Variants in GALNT13 observed in about 807,000 individuals in gnomAD.
GALNT13 encodes the protein UDP-GalNAc:polypeptide N-acetylgalactosaminyltransferase 13.
In GALNT13, 28 loss-of-function variants were observed where a neutral mutation model predicts 64.2. The observed-to-expected ratio is 0.44, with a 90% CI of 0.32 to 0.60. GALNT13 has a LOEUF of 0.60. Ranked by LOEUF, GALNT13 falls within the 20% of genes least tolerant of loss-of-function variation. The probability of loss-of-function intolerance (pLI) is 0.05; values close to 1 mark genes in which losing one functional copy is unlikely to be tolerated. For synonymous variants in GALNT13, 214 were observed against 224.6 expected (o/e 0.95, Z 0.42); for missense variants, 577 against 669.8 (o/e 0.86, Z 1.53).
chr2:153,918,352 G>T (rs748137089), intron 2 of GALNT13, among the ~76,000 whole-genome samples: 2 of 152,064 alleles, frequency 1.3e-5, no homozygotes, highest in Non-Finnish European at 2.9e-5. Flanking sequence ...TGAGAATTTG[G>T]GATGACAAAG....
the GALNT13 span, among the ~76,000 whole-genome samples, chr2:153,369,412 TAGAC>T: frequency 6.7e-6 from 1 of 148,292 alleles, no homozygotes; most frequent in African/African-American, 2.5e-5. Flanking sequence ...AACCTCTACT[TAGAC>T]TGTCTAAAAA....
chr2:153,681,703 G>A, the GALNT13 span, among the ~76,000 whole-genome samples: 31,698 of 151,468 alleles, frequency 0.21, 4,306 homozygotes, highest in Middle Eastern at 0.43. Context: ...TCTGTTTTCA[G>A]AATCCTGTTT....
At chr2:153,741,662 T>C in the GALNT13 span, among the ~76,000 whole-genome samples, 2 of 152,048 alleles carry the variant, frequency 1.3e-5, no homozygotes, top group Non-Finnish European at 2.9e-5. Flanking sequence ...ATACCACTTG[T>C]ATTTTTATTT....
At chr2:154,405,606 T>A (rs1699496922) in intron 10 of GALNT13, among the ~76,000 whole-genome samples, 1 of 150,204 alleles carries the variant, frequency 6.7e-6, no homozygotes, top group African/African-American at 2.5e-5. Context: ...AAAAAAAATT[T>A]GACCAGGTGT....
intron 3 of GALNT13, among the ~76,000 whole-genome samples, chr2:153,992,136 T>C (rs1251041241): frequency 6.6e-6 from 1 of 152,192 alleles, no homozygotes; most frequent in African/African-American, 2.4e-5. Context: ...CATTGTTATG[T>C]TTTTATGTTA....
At chr2:154,379,519 T>C (rs10490526) in intron 9 of GALNT13, among the ~76,000 whole-genome samples, 8,452 of 152,106 alleles carry the variant, frequency 0.056, 332 homozygotes, top group Non-Finnish European at 0.083. Context: ...ATTCAATTCC[T>C]TAGAAGGCTG....
At chr2:153,634,107 C>G in the GALNT13 span, among the ~76,000 whole-genome samples, 1 of 152,012 alleles carries the variant, frequency 6.6e-6, no homozygotes, top group Non-Finnish European at 1.5e-5. Context: ...GTCAGGAACA[C>G]AAACAGAAGT....
At chr2:154,049,318 T>C (rs1699451642) in intron 3 of GALNT13, among the ~76,000 whole-genome samples, 1 of 149,752 alleles carries the variant, frequency 6.7e-6, no homozygotes, top group African/African-American at 2.4e-5. Context: ...TTACAATAAA[T>C]ACTGTTTTAT....
At chr2:153,635,741 A>G in the GALNT13 span, among the ~76,000 whole-genome samples, 1 of 152,096 alleles carries the variant, frequency 6.6e-6, no homozygotes, top group Non-Finnish European at 1.5e-5. Context: ...ACTGACTGGA[A>G]ATATTCAAAT....
At chr2:153,565,926 A>T in the GALNT13 span, among the ~76,000 whole-genome samples, 45 of 152,314 alleles carry the variant, frequency 3.0e-4, no homozygotes, top group Middle Eastern at 3.4e-3. Context: ...TAAGTTCAAA[A>T]TAATGACTGG....
At chr2:153,817,548 T>C in the GALNT13 span, among the ~76,000 whole-genome samples, 1 of 152,104 alleles carries the variant, frequency 6.6e-6, no homozygotes, top group Non-Finnish European at 1.5e-5. Flanking sequence ...TCTTAGTAAT[T>C]TTCCGTCCAC....
chr2:153,126,294 TTG>T, the GALNT13 span, among the ~76,000 whole-genome samples: 887 of 50,768 alleles, frequency 0.017, 34 homozygotes, highest in Middle Eastern at 0.037. Flanking sequence ...AGTATTGATT[TTG>T]TATATATATA....
intron 3 of GALNT13, among the ~76,000 whole-genome samples, chr2:154,107,179 A>G (rs967107622): frequency 1.3e-5 from 2 of 152,212 alleles, no homozygotes; most frequent in African/African-American, 4.8e-5. Context: ...TGTGCAGCAT[A>G]CAGAACATGA....
chr2:154,390,210 C>T (rs953523142), intron 9 of GALNT13, among the ~76,000 whole-genome samples: 2 of 152,122 alleles, frequency 1.3e-5, no homozygotes, highest in Admixed American at 1.3e-4. Context: ...ATGCAATAGA[C>T]TTACTATGAA....
chr2:154,068,682 G>A (rs1471547023), intron 3 of GALNT13, among the ~76,000 whole-genome samples: 5 of 151,864 alleles, frequency 3.3e-5, no homozygotes, highest in Non-Finnish European at 7.4e-5. Context: ...TACAACAATC[G>A]AACTCAGAGA....
At chr2:154,117,544 T>C (rs1415893696) in intron 3 of GALNT13, among the ~76,000 whole-genome samples, 5 of 152,228 alleles carry the variant, frequency 3.3e-5, no homozygotes, top group African/African-American at 1.2e-4. Context: ...CCCGAGCTAC[T>C]TCACTCAGAA....
the GALNT13 span, among the ~76,000 whole-genome samples, chr2:153,708,934 G>A: frequency 2.6e-5 from 4 of 151,984 alleles, no homozygotes; most frequent in South Asian, 8.3e-4. Flanking sequence ...ATATCCAAAT[G>A]CAGAAGACTG....
At chr2:153,348,961 A>G in the GALNT13 span, among the ~76,000 whole-genome samples, 4 of 152,198 alleles carry the variant, frequency 2.6e-5, no homozygotes, top group Non-Finnish European at 5.9e-5. Flanking sequence ...TTGCTCCAAT[A>G]AATGTATTAT....
chr2:153,886,752 GTTATT>G (rs1368385486), intron 1 of GALNT13, among the ~76,000 whole-genome samples: 3 of 151,946 alleles, frequency 2.0e-5, no homozygotes, highest in African/African-American at 7.2e-5. Context: ...CTTTTGTCCT[GTTATT>G]TTATGTGGTT....
Sources: allele counts gnomAD v4.1 joint callset (sites outside exome capture counted in the v4.1 genomes callset), GRCh38; gene constraint gnomAD v4.1.1; transcripts MANE v1.5; gene names NCBI Gene and HGNC (gene_info 2026-07-23, HGNC 2026-07-21).